The following LMBR1 variants were observed in gnomAD, a reference collection of about 807,000 sequenced individuals.
LMBR1 encodes the protein limb region 1 protein homolog.
Under a neutral mutation model 73.9 loss-of-function variants are expected in LMBR1, and 52 were observed. The observed-to-expected ratio is 0.70, with a 90% CI of 0.56 to 0.89. The LOEUF is 0.89. Among genes scored for constraint, LMBR1 ranks in the 40% least tolerant of loss-of-function variants. LMBR1 has a pLI of 0.00. For missense variants in LMBR1, 539 were observed against 579.8 expected (o/e 0.93, Z 0.72); for synonymous variants, 215 against 209.4 (o/e 1.03, Z -0.23).
At chr7:156,729,368 C>T (rs1816393990) in intron 10 of LMBR1, among the ~76,000 whole-genome samples, 1 of 151,836 alleles carries the variant, frequency 6.6e-6, no homozygotes, top group Non-Finnish European at 1.5e-5. Flanking sequence ...GAAACCAGTC[C>T]CCCACGAATA....
At chr7:156,880,784 C>T (rs932977233) in intron 1 of LMBR1, among the ~76,000 whole-genome samples, 1 of 152,106 alleles carries the variant, frequency 6.6e-6, no homozygotes, top group African/African-American at 2.4e-5. Context: ...TCCCGAGTAG[C>T]TGGGATTACA....
Position 156,684,123 on chromosome 7 carries a change from T to C in LMBR1, c.1428A>G (p.Ser476=). 6.2e-7 allele frequency: 1 copy of C among 1,614,152 alleles called. No homozygotes were observed. Among genetic ancestry groups the C allele is most frequent in the South Asian group, 1.1e-5 (1 of 91,076 alleles). The change falls in exon 17 of 17, where the codon TCA becomes TCG. Residue 476 remains serine (S), a synonymous_variant. Transcript: ENST00000353442. ...CATTTACAGAAGGCTTGGCTGTTTC[T>C]GAATCCCTTGAAGTATTTGGTAAGT... The part of the protein sequence containing the change: ...KLHLPNTSRD[S]ETAKPSVNGH...
intron 5 of LMBR1, among the ~76,000 whole-genome samples, chr7:156,780,342 C>A (rs912494478): frequency 2.6e-5 from 4 of 152,148 alleles, no homozygotes; most frequent in African/African-American, 7.2e-5. Context: ...GAATTAACAT[C>A]TCCATTGCAT....
intron 15 of LMBR1, among the ~76,000 whole-genome samples, chr7:156,706,163 A>G (rs908697353): frequency 6.6e-6 from 1 of 152,008 alleles, no homozygotes; most frequent in African/African-American, 2.4e-5. Context: ...ACAGTTAAAA[A>G]AAAAAAAAGA....
chr7:156,834,890 C>T (rs1034779034), intron 2 of LMBR1, among the ~76,000 whole-genome samples: 2 of 151,936 alleles, frequency 1.3e-5, no homozygotes, highest in Non-Finnish European at 2.9e-5. Flanking sequence ...GCCTGTAATT[C>T]CAACACTTTG....
chr7:156,682,858 A>C lies in LMBR1; in HGVS notation c.*1220T>G, dbSNP rs1805308141. 1 of 152,218 alleles carries C rather than the reference A, an allele frequency of 6.6e-6. No homozygotes were observed. Among genetic ancestry groups the C allele is most frequent in the Admixed American group, 6.5e-5 (1 of 15,284 alleles). The allele number at this position is 152,218 out of a possible 1,614,324, so 9.4% of individuals were successfully genotyped here. A position where few individuals can be genotyped will look rare whatever the true frequency, so the allele number is the denominator to read the frequency against. Reference sequence around the variant, plus strand: ...TTATATAGCAGACTGCATAACTACGAATTGTGTGCAAATGGGCCCATCTCC... The same window carrying C: ...TTATATAGCAGACTGCATAACTACGCATTGTGTGCAAATGGGCCCATCTCC... On this transcript the variant is annotated 3_prime_UTR_variant, in exon 17 of 17. Coordinates refer to ENST00000353442, the MANE Select transcript of LMBR1 (RefSeq NM_022458.4).
chr7:156,884,510 T>C (rs1028106149), intron 1 of LMBR1, among the ~76,000 whole-genome samples: 1 of 152,198 alleles, frequency 6.6e-6, no homozygotes, highest in African/African-American at 2.4e-5. Flanking sequence ...CCAGTCTTCT[T>C]TCCTTCTAGA....
chr7:156,892,287 G>A (rs1046899681), intron 1 of LMBR1, among the ~76,000 whole-genome samples: 1 of 152,234 alleles, frequency 6.6e-6, no homozygotes, highest in Non-Finnish European at 1.5e-5. Flanking sequence ...CCACGTGGGG[G>A]CTGGGGGAGA....
At chr7:156,705,477 T>C (rs568008492) in intron 15 of LMBR1, among the ~76,000 whole-genome samples, 1 of 152,176 alleles carries the variant, frequency 6.6e-6, no homozygotes, top group East Asian at 1.9e-4. Flanking sequence ...AAGGACTGTT[T>C]GAGCCTGGGA....
At chr7:156,831,473 G>A (rs1484209706) in intron 3 of LMBR1, among the ~76,000 whole-genome samples, 1 of 151,984 alleles carries the variant, frequency 6.6e-6, no homozygotes, top group African/African-American at 2.4e-5. Context: ...CACAGCAAAA[G>A]ACAAAGAGAT....
At chr7:156,849,340 G>A (rs1795937943) in intron 1 of LMBR1, among the ~76,000 whole-genome samples, 1 of 152,120 alleles carries the variant, frequency 6.6e-6, no homozygotes, top group Non-Finnish European at 1.5e-5. Context: ...GGGAACAAGA[G>A]ACATCAGGGT....
intron 1 of LMBR1, among the ~76,000 whole-genome samples, chr7:156,861,493 C>T (rs1291876498): frequency 1.3e-5 from 2 of 152,178 alleles, no homozygotes; most frequent in African/African-American, 4.8e-5. Context: ...AGACATTTTC[C>T]CCCTTGTCTT....
chr7:156,893,064 G>T lies in LMBR1; in HGVS notation c.-71C>A. On this transcript the variant is annotated 5_prime_UTR_variant, in exon 1 of 17. Coordinates refer to ENST00000353442, the MANE Select transcript of LMBR1 (RefSeq NM_022458.4). ...CCACACCATCGTCCGCCCGCCGCAG[G>T]GGCTCGGACAGCCGCGCCGGGGACC... is the stretch of plus-strand genomic sequence containing the variant. 7.4e-7 allele frequency: 1 copy of T among 1,345,502 alleles called. No homozygotes were observed. The highest frequency in any genetic ancestry group is 3.9e-5 in the Admixed American group (1 of 25,724). The allele number at this position is 1,345,502 out of a possible 1,614,324, so 83.3% of individuals were successfully genotyped here.
intron 1 of LMBR1, among the ~76,000 whole-genome samples, chr7:156,892,177 C>T (rs73167981): frequency 1.3e-5 from 2 of 152,328 alleles, no homozygotes; most frequent in East Asian, 3.9e-4. Context: ...AGCTGCTTCC[C>T]TAAGAAGTTG....
chr7:156,732,250 C>G (rs1283222426), intron 10 of LMBR1, among the ~76,000 whole-genome samples: 3 of 152,068 alleles, frequency 2.0e-5, no homozygotes, highest in South Asian at 2.1e-4. Flanking sequence ...CGTGGAAGAA[C>G]AATGATGCCT....
At chr7:156,747,637 G>T (rs73166117) in intron 9 of LMBR1, among the ~76,000 whole-genome samples, 16 of 152,190 alleles carry the variant, frequency 1.1e-4, no homozygotes, top group Non-Finnish European at 2.2e-4. Context: ...TTTGGAAGTA[G>T]ATACCTCTAA....
downstream of LMBR1, chr7:156,676,590 A>G: frequency 6.2e-7 from 1 of 1,614,234 alleles, no homozygotes; most frequent in Non-Finnish European, 8.5e-7. Context: ...CGTGGGAGAC[A>G]GGCCTCCTTT....
intron 7 of LMBR1, 84 bp from the exon 8 acceptor site, chr7:156,762,282 G>A: frequency 1.2e-6 from 1 of 828,802 alleles, no homozygotes; most frequent in Non-Finnish European, 2.0e-6. Context: ...GTAAAAATAA[G>A]GGAAATTCAA....
intron 15 of LMBR1, among the ~76,000 whole-genome samples, chr7:156,721,684 T>G (rs1264299985): frequency 6.7e-6 from 1 of 149,854 alleles, no homozygotes; most frequent in African/African-American, 2.5e-5. Flanking sequence ...AAATTTTAAC[T>G]ACAGATTCTT....
Sources: gnomAD v4.1 joint callset for allele counts (sites outside exome capture counted in the v4.1 genomes callset) on GRCh38, gnomAD v4.1.1 for gene constraint, MANE v1.5 for transcripts, NCBI Gene and HGNC (gene_info 2026-07-23, HGNC 2026-07-21) for gene names.